MUC4: variants seen among roughly 807,000 people sequenced by gnomAD.
MUC4 encodes mucin-4.
Under a neutral mutation model 257.9 loss-of-function variants are expected in MUC4, and 202 were observed. That is an observed-to-expected ratio of 0.78 (90% CI 0.70 to 0.88). The LOEUF is 0.88. Ranked by LOEUF, MUC4 falls within the 40% of genes least tolerant of loss-of-function variation. The pLI is 0.00. For synonymous variants in MUC4, 2,351 were observed against 2,757.1 expected (o/e 0.85, Z 4.62); for missense variants, 5,976 against 6,513.7 (o/e 0.92, Z 2.84).
At chr3:195,793,304 C>G (rs1337899586) in intron 1 of MUC4, among the ~76,000 whole-genome samples, 5 of 151,854 alleles carry the variant, frequency 3.3e-5, no homozygotes, top group Non-Finnish European at 7.4e-5. Context: ...CGAGACCAGC[C>G]TGGGCAATAT....
rs767758341 is a variant in MUC4 at position 195,790,269 on chromosome 3, T to G, written c.1311A>C (p.Ala437=). The change falls in exon 2 of 25, where the codon GCA becomes GCC. Residue 437 remains alanine, a synonymous_variant. Transcript: ENST00000463781. Reference sequence around the variant, plus strand: ...TTGGAGGTAGAGAACTGGGGGAGAGTGCTGTTGACAGAGTGTCTGACCACC... The same window carrying G: ...TTGGAGGTAGAGAACTGGGGGAGAGGGCTGTTGACAGAGTGTCTGACCACC... ...TIWWSDTLST[A]LSPSSLPPKI... 3.1e-6 allele frequency: 5 copies of G among 1,613,542 alleles called. No individual in the cohort carries two copies. The South Asian group carries it at 5.5e-5, about 18-fold the overall frequency.
At chr3:195,807,542 G>A (rs859769) in intron 1 of MUC4, among the ~76,000 whole-genome samples, 1 of 151,882 alleles carries the variant, frequency 6.6e-6, no homozygotes, top group African/African-American at 2.4e-5. Flanking sequence ...AGAAATCGTC[G>A]ATGAGGTGCC....
intron 1 of MUC4, among the ~76,000 whole-genome samples, chr3:195,797,592 C>T (rs1010707651): frequency 1.3e-5 from 2 of 152,166 alleles, no homozygotes; most frequent in African/African-American, 4.8e-5. Flanking sequence ...AAGATGCCAA[C>T]AATCACTGCT....
At chr3:195,753,582 T>C (rs1418043766) in intron 19 of MUC4, 3 of 364,778 alleles carry the variant, frequency 8.2e-6, no homozygotes, top group Non-Finnish European at 9.9e-6. Context: ...GCTGCGGTTC[T>C]ACCCACTCTG....
Position 195,788,648 on chromosome 3 carries a change from G to T in MUC4, c.2932C>A (p.Pro978Thr). 1 of 1,610,240 alleles carries T rather than the reference G, an allele frequency of 6.2e-7. No individual in the cohort carries two copies. Among genetic ancestry groups the T allele is most frequent in the South Asian group, 1.1e-5 (1 of 90,396 alleles). The part of the protein sequence containing the change: ...TALISNATPL[P>T]VTYASSASTG... ...GATGCCGAGGAAGCGTAGGTGACAG[G>T]AAGAGGGGTGGCGTTGCTGATGAGG... Residue 978 changes from proline to threonine, a missense_variant, in exon 2 of 25, where the codon CCT becomes ACT. Coordinates refer to ENST00000463781, the MANE Select transcript of MUC4 (RefSeq NM_018406.7).
rs729593 is a variant in MUC4 at position 195,791,038 on chromosome 3, G to T, written c.542C>A (p.Thr181Lys). 175,210 of 1,613,774 alleles carry T rather than the reference G, an allele frequency of 0.11. 12,415 individuals carry two copies. The highest frequency in any genetic ancestry group is 0.29 in the Admixed American group (17,516 of 59,996). The change falls in exon 2 of 25, where the codon ACA becomes AAA. Residue 181 changes from threonine to lysine, a missense_variant. Coordinates refer to ENST00000463781, the MANE Select transcript of MUC4 (RefSeq NM_018406.7). ...ITAGQEGQSR[T>K]TSWRTSIQDT... is the part of the protein sequence containing the mutation. ...TTGGATAGAGGTCCTCCAGGAAGTT[G>T]TTCGTGATTGTCCTTCCTGTCCAGC...
intron 1 of MUC4, among the ~76,000 whole-genome samples, chr3:195,803,921 C>G (rs1208148942): frequency 6.6e-6 from 1 of 152,180 alleles, no homozygotes; most frequent in Non-Finnish European, 1.5e-5. Flanking sequence ...CAGGCACATT[C>G]TCGGGGTGGA....
In MUC4 at chr3:195,786,850, G is replaced by C; in HGVS notation, c.4730C>G (p.Ala1577Gly). The C allele has an allele frequency of 1.3e-6, 2 of 1,536,764 alleles. No homozygotes were observed. Among genetic ancestry groups the C allele is most frequent in the East Asian group, 2.5e-5 (1 of 40,690 alleles). The change falls in exon 2 of 25, where the codon GCA (alanine) becomes GGA (glycine). Residue 1577 changes from alanine (A) to glycine (G), a missense_variant. By Grantham distance (60) the Ala-to-Gly change is moderately conservative. Coordinates refer to ENST00000463781, the MANE Select transcript of MUC4 (RefSeq NM_018406.7). ...TPLPVTSPSS[A>G]STGHTTPLPV... Reference sequence around the variant, plus strand: ...AAGAGGGGTGGTGTGACCTGTAGATGCTGAGGAAGGGCTGGTGACAGGAAG... The same window carrying C: ...AAGAGGGGTGGTGTGACCTGTAGATCCTGAGGAAGGGCTGGTGACAGGAAG...
chr3:195,782,859 T>A lies in MUC4; in HGVS notation c.8721A>T (p.Thr2907=), dbSNP rs1324114695. The change falls in exon 2 of 25, where the codon ACA becomes ACT. Residue 2907 remains threonine, a synonymous_variant. Coordinates refer to ENST00000463781, the MANE Select transcript of MUC4 (RefSeq NM_018406.7). ...LPLTSLSSVS[T]GDTTPLPVTD... is the part of the protein sequence containing the mutation. Reference sequence around the variant, plus strand: ...TGACAGGAAGAGGCGTGGTGTCACCTGTGGATACTGAGGAAAGGCTGGTGA... The same window carrying A: ...TGACAGGAAGAGGCGTGGTGTCACCAGTGGATACTGAGGAAAGGCTGGTGA... The A allele has an allele frequency of 3.9e-6, 6 of 1,522,400 alleles. No homozygotes were observed. In the South Asian group the frequency reaches 4.8e-5, roughly 12 times the overall value. The allele number at this position is 1,522,400 out of a possible 1,614,324, so 94.3% of individuals were successfully genotyped here.
In MUC4 at chr3:195,791,636, C is replaced by T. The variant is rs192034636; in HGVS notation, c.83-139G>A. On this transcript the variant is annotated intron_variant, in intron 1 of 24. Coordinates refer to ENST00000463781, the MANE Select transcript of MUC4 (RefSeq NM_018406.7). ...ACTACCATTCTTCACAGAATGAGAA[C>T]AAACTACTTTAAAATTCATATGGAA... The T allele has an allele frequency of 9.3e-4, 598 of 643,352 alleles. 2 individuals carry two copies. The highest frequency in any genetic ancestry group is 1.4e-3 in the Non-Finnish European group (517 of 372,370). The allele number at this position is 643,352 out of a possible 1,614,324, so 39.9% of individuals were successfully genotyped here.
In MUC4 at chr3:195,810,478, CG is replaced by C. The variant is rs1177977494; in HGVS notation, c.82+1257del. 6.5e-6 allele frequency: 1 copy of C among 153,640 alleles called. No homozygotes were observed. Among genetic ancestry groups the C allele is most frequent in the Non-Finnish European group, 1.4e-5 (1 of 69,174 alleles). 9.5% of individuals were successfully genotyped at this position (153,640 alleles called of 1,614,324 possible). On this transcript the variant is annotated intron_variant, in intron 1 of 24. Transcript: ENST00000463781. The surrounding 1 kb of genome is among the most constrained non-coding windows in gnomAD (Gnocchi z 4.2). Reference sequence around the variant, plus strand: ...AGCCTGGAAAGTGTGGGGAAGAGGACGGGGGCCCCCGAGGGAACATCTCCCA... The same window carrying C: ...AGCCTGGAAAGTGTGGGGAAGAGGACGGGGCCCCCGAGGGAACATCTCCCA...
intron 24 of MUC4, among the ~76,000 whole-genome samples, chr3:195,748,351 G>A (rs1215788214): frequency 6.6e-6 from 1 of 152,284 alleles, no homozygotes; most frequent in Non-Finnish European, 1.5e-5. Flanking sequence ...ATCACCTGAG[G>A]TCAGGAGTTC....
chr3:195,767,817 C>CCACCACCACCAT (rs1721662163), intron 7 of MUC4, among the ~76,000 whole-genome samples: 1 of 95,298 alleles, frequency 1.0e-5, no homozygotes, highest in Non-Finnish European at 2.0e-5. Flanking sequence ...ACCACCATCA[C>CCACCACCACCAT]CACCACCACC....
rs1460372899 is a variant in MUC4 at position 195,782,647 on chromosome 3, G to C, written c.8933C>G (p.Pro2978Arg). Residue 2978 changes from proline to arginine, a missense_variant, in exon 2 of 25, where the codon CCT becomes CGT. Around this residue, in one of 44 missense-constraint regions of MUC4, gnomAD observed 68 missense variants for 50.2 expected, o/e 1.35. Coordinates refer to ENST00000463781, the MANE Select transcript of MUC4 (RefSeq NM_018406.7). The stretch of plus-strand genomic sequence containing the variant: ...GGATGCTGAGGAAGTGTCGGTGTCA[G>C]GAAGAGGGGTGGCGTGACCTGTGGA... Reference protein sequence around the residue: ...SASTGHATPLPDTDTSSASTG... With the variant: ...SASTGHATPLRDTDTSSASTG... The C allele has an allele frequency of 1.5e-6, 2 of 1,333,740 alleles. No individual in the cohort carries two copies. The highest frequency in any genetic ancestry group is 2.0e-6 in the Non-Finnish European group (2 of 990,052). 82.6% of individuals were successfully genotyped at this position (1,333,740 alleles called of 1,614,324 possible).
chr3:195,770,132 AT>A (rs1722479781), intron 6 of MUC4, 83 bp downstream of exon 6: 1 of 1,333,578 alleles, frequency 7.5e-7, no homozygotes. Context: ...GCCAGAGAGG[AT>A]TTTGGAAGAG....
rs1723851410 is a variant in MUC4, at chr3:195,774,305, C to G, written c.12944G>C (p.Gly4315Ala). The change falls in exon 4 of 25, where the codon GGA becomes GCA. Residue 4315 changes from glycine to alanine, a missense_variant and splice_region_variant. Transcript: ENST00000463781. ...AAPIPILPER[G>A]VSLFPYGAGA... ...TGCCCCATAGGGGAAGAGGGAAACT[C>G]CTGGGCCAGGACAGAGAAGAGCAGG... 3.9e-6 allele frequency: 6 copies of G among 1,554,514 alleles called. No individual in the cohort carries two copies. The South Asian group carries it at 4.9e-5, about 13-fold the overall frequency.
chr3:195,754,315 C>T lies in MUC4; in HGVS notation c.15226G>A (p.Asp5076Asn), dbSNP rs374556246. 5.0e-6 allele frequency: 8 copies of T among 1,613,046 alleles called. No individual in the cohort carries two copies. The African/African-American group carries it at 9.3e-5, about 19-fold the overall frequency. ...TFGRYCEGSE[D>N]ACEEPCFPSV... is the part of the protein sequence containing the mutation. The stretch of plus-strand genomic sequence containing the variant: ...GGGAAGCACGGCTCCTCACAGGCAT[C>T]CTCGGAGCCCTCGCAGTAGCGGCCG... The change falls in exon 19 of 25, where the codon GAT (aspartate) becomes AAT (asparagine). Residue 5076 changes from aspartate (D) to asparagine (N), a missense_variant. Physicochemically the swap from Asp to Asn is conservative, Grantham distance 23. Around this residue, in one of 44 missense-constraint regions of MUC4, gnomAD observed 996 missense variants for 1,137.3 expected, o/e 0.88. Coordinates refer to ENST00000463781, the MANE Select transcript of MUC4 (RefSeq NM_018406.7).
rs56897401 is a variant in MUC4, at chr3:195,799,229, CTGTGTG to C, written c.83-7738_83-7733del. On this transcript the variant is annotated intron_variant, in intron 1 of 24. Transcript: ENST00000463781. ...GTGTTGCTAGTATGTATGTGTGACA[CTGTGTG>C]TGTGTGTGTGTGTGTGTGTGTGTGT... 8.4e-3 allele frequency among the ~76,000 whole-genome samples: 1,013 copies of C among 120,176 alleles called. 13 individuals carry two copies. The highest frequency in any genetic ancestry group is 0.024 in the African/African-American group (931 of 38,002). 78.8% of individuals were successfully genotyped at this position (120,176 alleles called of 152,430 possible).
chr3:195,797,273 A>AAT (rs1256878442), intron 1 of MUC4, among the ~76,000 whole-genome samples: 1 of 151,510 alleles, frequency 6.6e-6, no homozygotes, highest in African/African-American at 2.4e-5. Flanking sequence ...ATCTTAAATA[A>AAT]ATAAATAAAT....
Sources: gnomAD v4.1 joint callset for allele counts (sites outside exome capture counted in the v4.1 genomes callset) on GRCh38, gnomAD v4.1.1 for gene constraint, gnomAD v4.1.1 regional missense constraint, Gnocchi (gnomAD v3.1) non-coding constraint, MANE v1.5 for transcripts, NCBI Gene and HGNC (gene_info 2026-07-23, HGNC 2026-07-21) for gene names.